The following DST variants were observed in gnomAD, a reference collection of about 807,000 sequenced individuals.
The protein encoded by DST is bullous pemphigoid antigen.
In DST, 253 loss-of-function variants were observed where a neutral mutation model predicts 875.2. That is an observed-to-expected ratio of 0.29 (90% CI 0.26 to 0.32). The LOEUF (loss-of-function observed/expected upper bound fraction) is 0.32. Ranked by LOEUF, DST falls within the 10% of genes least tolerant of loss-of-function variation. DST has a pLI of 1.00. For missense variants in DST, 8,287 were observed against 9,111.6 expected, an observed-to-expected ratio of 0.91 and a Z score of 3.68; for synonymous variants, 3,124 against 3,197.1, an observed-to-expected ratio of 0.98 and a Z score of 0.77.
At chr6:56,619,334 T>A (rs1284907853) in intron 36 of DST, 1 of 1,613,436 alleles carries the variant, frequency 6.2e-7, no homozygotes, top group East Asian at 2.2e-5. Flanking sequence ...CTCTGCACAC[T>A]CATTACTTTT....
chr6:56,587,738 G>T (rs2098186540), intron 49 of DST, among the ~76,000 whole-genome samples: 1 of 152,090 alleles, frequency 6.6e-6, no homozygotes, highest in Non-Finnish European at 1.5e-5. Context: ...CAAGCCAGAA[G>T]AGAGTGGGGG....
At chr6:56,940,139 A>G (rs1279158744) in intron 2 of DST, among the ~76,000 whole-genome samples, 2 of 151,816 alleles carry the variant, frequency 1.3e-5, no homozygotes, top group African/African-American at 4.8e-5. Flanking sequence ...TGTTTTATAC[A>G]CTCAAAATGA....
chr6:56,789,431 C>T (rs1223760269), intron 4 of DST, among the ~76,000 whole-genome samples: 4 of 152,124 alleles, frequency 2.6e-5, no homozygotes, highest in Non-Finnish European at 5.9e-5. Flanking sequence ...GCTGTGCTTA[C>T]TTTTTTTAAT....
At chr6:56,728,899 T>C (rs1023467761) in intron 5 of DST, among the ~76,000 whole-genome samples, 4 of 151,292 alleles carry the variant, frequency 2.6e-5, no homozygotes, top group African/African-American at 7.3e-5. Flanking sequence ...TCTTAGGAAA[T>C]ACATACTGAA....
At position 56,871,570 on chromosome 6, in the gene DST, G is replaced by A. The variant is rs539768082; in HGVS notation, c.418-19966C>T. Reference sequence around the variant, plus strand: ...ATAAACAAAGCACCTAAGACACACTGCTGGACCTACAGAGCTCATGGTTGG... The same window carrying A: ...ATAAACAAAGCACCTAAGACACACTACTGGACCTACAGAGCTCATGGTTGG... On this transcript the variant is annotated intron_variant, in intron 3 of 103. Transcript: ENST00000680361. 1.3e-4 allele frequency: 120 copies of A among 935,720 alleles called. No homozygotes were observed. The African/African-American group carries it at 1.8e-3, about 14-fold the overall frequency. 58.0% of individuals were successfully genotyped at this position (935,720 alleles called of 1,614,324 possible).
chr6:56,545,885 C>A (rs1180050470), intron 61 of DST, among the ~76,000 whole-genome samples: 1 of 152,060 alleles, frequency 6.6e-6, no homozygotes, highest in Admixed American at 6.5e-5. Flanking sequence ...CATAAACAGG[C>A]ATTAAGAGCA....
At position 56,492,272 on chromosome 6, in the gene DST, T is replaced by C. The variant is rs761264518; in HGVS notation, c.20712A>G (p.Val6904=). ...CATCATCCAAAGATCTTCCTCTCTC[T>C]ACCAACCGTTGAACCACTTTTTCCC... is the stretch of plus-strand genomic sequence containing the variant. ...SRWEKVVQRL[V]ERGRSLDDAR... The change falls in exon 85 of 104, where the codon GTA becomes GTG. Residue 6904 remains valine (V), a synonymous_variant. Coordinates refer to ENST00000680361, the MANE Select transcript of DST (RefSeq NM_001374736.1). 6 of 1,613,922 alleles carry C rather than the reference T, an allele frequency of 3.7e-6. No individual in the cohort carries two copies. In the East Asian group the frequency reaches 1.3e-4, roughly 36 times the overall value.
chr6:56,916,753 A>ATCTCTCTCTCTCTCTCTC lies in DST; in HGVS notation c.217-16150_217-16133dup, dbSNP rs70989741. ...GAGACAAGATCTTCTCTCTCTCTCT[A>ATCTCTCTCTCTCTCTCTC]TCTCTCTCTCTCTCTCTCTCTCTCT... On this transcript the variant is annotated intron_variant, in intron 2 of 103. Transcript: ENST00000680361. Among the ~76,000 whole-genome samples, 117 of 95,408 alleles carry ATCTCTCTCTCTCTCTCTC rather than the reference A, an allele frequency of 1.2e-3. 2 individuals carry two copies. Among genetic ancestry groups the ATCTCTCTCTCTCTCTCTC allele is most frequent in the African/African-American group, 5.4e-3 (115 of 21,454 alleles). The allele number at this position is 95,408 out of a possible 152,430, so 62.6% of individuals were successfully genotyped here.
intron 4 of DST, among the ~76,000 whole-genome samples, chr6:56,784,319 T>C (rs1173114806): frequency 6.6e-6 from 1 of 152,208 alleles, no homozygotes; most frequent in Non-Finnish European, 1.5e-5. Flanking sequence ...CTGCAGAGTG[T>C]TTTCCAACTT....
At chr6:56,633,448 G>A (rs1412452795) in intron 27 of DST, among the ~76,000 whole-genome samples, 2 of 151,402 alleles carry the variant, frequency 1.3e-5, no homozygotes, top group African/African-American at 2.4e-5. Flanking sequence ...GGATGGTCTC[G>A]ATCTCCTGAC....
At chr6:56,676,475 A>C (rs2099130733) in intron 9 of DST, among the ~76,000 whole-genome samples, 1 of 152,202 alleles carries the variant, frequency 6.6e-6, no homozygotes, top group African/African-American at 2.4e-5. Flanking sequence ...TGCCCAAAAA[A>C]TTAAAAATAG....
intron 4 of DST, among the ~76,000 whole-genome samples, chr6:56,831,801 C>G (rs1355290139): frequency 1.3e-5 from 2 of 151,726 alleles, no homozygotes; most frequent in African/African-American, 4.8e-5. Context: ...AGACTGAGTA[C>G]AAAATACGAT....
intron 5 of DST, among the ~76,000 whole-genome samples, chr6:56,719,312 A>G (rs1400747334): frequency 1.3e-5 from 2 of 152,234 alleles, no homozygotes; most frequent in African/African-American, 4.8e-5. Context: ...AAGTTAAAGG[A>G]CTGATCATAA....
rs1429992518 is a variant in DST at position 56,704,358 on chromosome 6, A to G, written c.699T>C (p.His233=). Residue 233 remains histidine, a synonymous_variant, in exon 6 of 104, where the codon CAT becomes CAC. Coordinates refer to ENST00000680361, the MANE Select transcript of DST (RefSeq NM_001374736.1). ...TTAAGTCTTCATAGAGATCATTCACATGTTTTCGAACCTATAAAGAGAAAA... is the reference window on the plus strand; with the variant it reads ...TTAAGTCTTCATAGAGATCATTCACGTGTTTTCGAACCTATAAAGAGAAAA... The part of the protein sequence containing the change: ...INQHLMKVRK[H]VNDLYEDLRD... The G allele has an allele frequency of 6.4e-7, 1 of 1,558,626 alleles. No homozygotes were observed. Among genetic ancestry groups the G allele is most frequent in the Non-Finnish European group, 8.7e-7 (1 of 1,149,624 alleles).
At chr6:56,642,911 CTCCTTAAATA>C (rs1170630598) in intron 15 of DST, 2 of 1,548,880 alleles carry the variant, frequency 1.3e-6, no homozygotes, top group African/African-American at 2.7e-5. Flanking sequence ...CTTTTAGTGG[CTCCTTAAATA>C]TGCTTCAACA....
intron 4 of DST, among the ~76,000 whole-genome samples, chr6:56,816,445 G>A (rs1457306141): frequency 6.6e-6 from 1 of 152,142 alleles, no homozygotes; most frequent in Non-Finnish European, 1.5e-5. Flanking sequence ...TCCACTTCAT[G>A]CAGATTCAGC....
Position 56,466,101 on chromosome 6 carries a change from A to G in DST, c.22664T>C (p.Leu7555Ser). The G allele has an allele frequency of 6.2e-7, 1 of 1,613,070 alleles. No homozygotes were observed. The change falls in exon 99 of 104, where the codon TTA (leucine) becomes TCA (serine). Residue 7555 changes from leucine (L) to serine (S), a missense_variant. Transcript: ENST00000680361. ...ACCCCTGCAAGGATCATTTTTCACT[A>G]AGAACTCATCAAGTGCCATCCATCC... ...GGGWMALDEF[L>S]VKNDPCRVHH...
At chr6:56,620,913 C>T (rs962118277) in intron 36 of DST, among the ~76,000 whole-genome samples, 4 of 152,160 alleles carry the variant, frequency 2.6e-5, no homozygotes, top group South Asian at 2.1e-4. Context: ...AAACCCTTCA[C>T]GACAGGTTTT....
Position 56,580,725 on chromosome 6 carries a change from C to CTTT in DST, c.12904-1791_12904-1789dup, listed in dbSNP as rs1167715487. ...AGGTAATTAGCGGAATTTACTTTTTCTTTTTTTTTTTTTTTTTTGGTTGGG... is the reference window on the plus strand; with the variant it reads ...AGGTAATTAGCGGAATTTACTTTTTCTTTTTTTTTTTTTTTTTTTTTGGTTGGG... On this transcript the variant is annotated intron_variant, in intron 49 of 103. Coordinates refer to ENST00000680361, the MANE Select transcript of DST (RefSeq NM_001374736.1). Among the ~76,000 whole-genome samples the CTTT allele has an allele frequency of 6.6e-5, 8 of 121,036 alleles. No individual in the cohort carries two copies. In the South Asian group the frequency reaches 1.7e-3, roughly 26 times the overall value. 79.4% of individuals were successfully genotyped at this position (121,036 alleles called of 152,430 possible). A position where few individuals can be genotyped will look rare whatever the true frequency, so the allele number is the denominator to read the frequency against.
Sources: gnomAD v4.1 joint callset for allele counts (sites outside exome capture counted in the v4.1 genomes callset) on GRCh38, gnomAD v4.1.1 for gene constraint, MANE v1.5 for transcripts, NCBI Gene and HGNC (gene_info 2026-07-23, HGNC 2026-07-21) for gene names.